Variants in CFAP299 observed in about 807,000 individuals in gnomAD.
CFAP299 encodes cilia and flagella associated protein 299.
Under a neutral mutation model 27.0 loss-of-function variants are expected in CFAP299, and 21 were observed. That is an observed-to-expected ratio of 0.78 (90% CI 0.55 to 1.12). The LOEUF is 1.12. Among genes scored for constraint, CFAP299 ranks in the 50% most tolerant of loss-of-function variants. The pLI, the probability that CFAP299 is intolerant of heterozygous loss-of-function variation, is 0.00. For missense variants in CFAP299, 310 were observed against 276.6 expected (o/e 1.12, Z -0.86); for synonymous variants, 104 against 98.1 (o/e 1.06, Z -0.36).
chr4:80,430,857 CT>C (rs1727778558), intron 2 of CFAP299, among the ~76,000 whole-genome samples: 1 of 152,230 alleles, frequency 6.6e-6, no homozygotes, highest in Non-Finnish European at 1.5e-5. Context: ...GCTTTCTCCG[CT>C]TCAGCCATTC....
intron 3 of CFAP299, among the ~76,000 whole-genome samples, chr4:80,618,339 A>G (rs931123012): frequency 1.3e-5 from 2 of 152,166 alleles, no homozygotes; most frequent in Non-Finnish European, 2.9e-5. Context: ...TCTCATGAGC[A>G]TGTGAGTAAG....
intron 3 of CFAP299, among the ~76,000 whole-genome samples, chr4:80,736,838 A>G (rs1365208142): frequency 2.6e-5 from 4 of 152,340 alleles, no homozygotes; most frequent in South Asian, 4.1e-4. Flanking sequence ...ATTATAAATC[A>G]TGCTGCTATA....
intron 3 of CFAP299, among the ~76,000 whole-genome samples, chr4:80,838,397 C>A (rs956212598): frequency 6.6e-6 from 1 of 152,016 alleles, no homozygotes; most frequent in African/African-American, 2.4e-5. Flanking sequence ...GGTTTTAGGT[C>A]TTATGTTTAA....
chr4:80,733,726 T>C (rs923594973), intron 3 of CFAP299, among the ~76,000 whole-genome samples: 2 of 152,132 alleles, frequency 1.3e-5, no homozygotes, highest in Non-Finnish European at 2.9e-5. Context: ...TGTTTGCCTT[T>C]CCATGGCTTG....
intron 3 of CFAP299, among the ~76,000 whole-genome samples, chr4:80,867,632 T>C (rs1578199307): frequency 6.6e-6 from 1 of 152,188 alleles, no homozygotes; most frequent in African/African-American, 2.4e-5. Context: ...CAGATGGCCA[T>C]CTTCTTGCCG....
chr4:80,401,531 A>G (rs928028723), intron 2 of CFAP299, among the ~76,000 whole-genome samples: 5 of 152,198 alleles, frequency 3.3e-5, no homozygotes, highest in African/African-American at 1.2e-4. Flanking sequence ...GCCTGTGGGT[A>G]TACAGAAGTC....
intron 2 of CFAP299, among the ~76,000 whole-genome samples, chr4:80,523,210 A>G (rs1286939668): frequency 6.6e-5 from 10 of 152,022 alleles, no homozygotes; most frequent in Non-Finnish European, 1.5e-5. Context: ...TCCTTGGTTA[A>G]GTTTATTCCC....
chr4:80,898,185 G>A (rs1456355981), intron 4 of CFAP299, among the ~76,000 whole-genome samples: 3 of 152,116 alleles, frequency 2.0e-5, no homozygotes, highest in Non-Finnish European at 4.4e-5. Flanking sequence ...CAGTGACCAA[G>A]AAAAATGAGG....
At chr4:80,567,116 A>T (rs1735340292) in intron 2 of CFAP299, among the ~76,000 whole-genome samples, 1 of 152,110 alleles carries the variant, frequency 6.6e-6, no homozygotes, top group African/African-American at 2.4e-5. Context: ...CTTCCTCAAG[A>T]TAGAAAATGA....
chr4:80,324,686 T>C, the CFAP299 span, among the ~76,000 whole-genome samples: 2 of 152,156 alleles, frequency 1.3e-5, no homozygotes, highest in African/African-American at 4.8e-5. Context: ...GAGAAAACCA[T>C]TTACAAAGAA....
chr4:80,544,897 C>T (rs1734156331), intron 2 of CFAP299, among the ~76,000 whole-genome samples: 1 of 152,156 alleles, frequency 6.6e-6, no homozygotes, highest in Non-Finnish European at 1.5e-5. Context: ...CACCCAATAA[C>T]AACAGAATAT....
At chr4:80,486,042 G>A (rs1238484377) in intron 2 of CFAP299, among the ~76,000 whole-genome samples, 2 of 151,996 alleles carry the variant, frequency 1.3e-5, no homozygotes, top group African/African-American at 2.4e-5. Flanking sequence ...TGATTCTCCC[G>A]CCTTAGCCTC....
chr4:80,332,562 G>C (rs984145320), upstream of CFAP299, among the ~76,000 whole-genome samples: 1 of 152,164 alleles, frequency 6.6e-6, no homozygotes, highest in African/African-American at 2.4e-5. Context: ...GAATAAGCTT[G>C]TATACAGCAT....
chr4:80,433,851 G>A (rs1405431060), intron 2 of CFAP299, among the ~76,000 whole-genome samples: 1 of 152,096 alleles, frequency 6.6e-6, no homozygotes, highest in Non-Finnish European at 1.5e-5. Context: ...CACTCACTGG[G>A]AATTTTGTAA....
At chr4:80,387,183 G>T in intron 2 of CFAP299, 1 of 1,346,410 alleles carries the variant, frequency 7.4e-7, no homozygotes, top group Non-Finnish European at 1.1e-6. Context: ...TGTGGAAGGA[G>T]GCTGTGGGAG....
Position 80,355,654 on chromosome 4 carries a change from C to T in CFAP299, c.112-7100C>T, listed in dbSNP as rs576919002. 9.0e-4 allele frequency among the ~76,000 whole-genome samples: 137 copies of T among 152,088 alleles called. 1 individual carries two copies. Among genetic ancestry groups the T allele is most frequent in the Middle Eastern group, 3.4e-3 (1 of 294 alleles). On this transcript the variant is annotated intron_variant, in intron 1 of 5. Transcript: ENST00000358105. ...TTTTAATGGGGTTGATTGTTTTTTT[C>T]TTGTAAGTTTACGTTCCTTATAGAT...
intron 3 of CFAP299, among the ~76,000 whole-genome samples, chr4:80,824,518 G>A (rs549279771): frequency 3.0e-4 from 46 of 152,222 alleles, no homozygotes; most frequent in Non-Finnish European, 5.4e-4. Context: ...ATAACTAAGG[G>A]ATCTAAAGGG....
chr4:80,799,808 T>TAA (rs1176249540), intron 3 of CFAP299, among the ~76,000 whole-genome samples: 1 of 24,144 alleles, frequency 4.1e-5, no homozygotes, highest in Non-Finnish European at 5.3e-5. Context: ...ATATAATATA[T>TAA]AAATATATAT....
chr4:80,757,703 TTTTG>T (rs559737877), intron 3 of CFAP299, among the ~76,000 whole-genome samples: 57 of 152,188 alleles, frequency 3.7e-4, no homozygotes, highest in Middle Eastern at 3.4e-3. Flanking sequence ...TTTTTGTTTT[TTTTG>T]TTTGTTTGTT....
Sources: gnomAD v4.1 joint callset for allele counts (sites outside exome capture counted in the v4.1 genomes callset) on GRCh38, gnomAD v4.1.1 for gene constraint, MANE v1.5 for transcripts, NCBI Gene and HGNC (gene_info 2026-07-23, HGNC 2026-07-21) for gene names.